DLG5: variants seen among roughly 807,000 people sequenced by gnomAD.
DLG5 encodes the protein discs large MAGUK scaffold protein 5.
DLG5 carries 48 observed loss-of-function variants against 189.8 expected under a neutral mutation model. The ratio of observed to expected loss-of-function variants is 0.25; its 90% CI spans 0.20 to 0.32. The LOEUF is 0.32. Ranked by LOEUF, DLG5 falls within the 10% of genes least tolerant of loss-of-function variation. The probability of loss-of-function intolerance (pLI) is 1.00; values close to 1 mark genes in which losing one functional copy is unlikely to be tolerated. For synonymous variants in DLG5, 1,016 were observed against 1,054.1 expected, an observed-to-expected ratio of 0.96 and a Z score of 0.70; for missense variants, 2,160 against 2,544.7, an observed-to-expected ratio of 0.85 and a Z score of 3.25.
At chr10:77,872,451 G>T (rs1256769827) in intron 1 of DLG5, among the ~76,000 whole-genome samples, 1 of 152,210 alleles carries the variant, frequency 6.6e-6, no homozygotes, top group Non-Finnish European at 1.5e-5. Flanking sequence ...AGGGCAGCGT[G>T]ACATCTTTGT....
chr10:77,802,856 T>C (rs184958640), intron 27 of DLG5, among the ~76,000 whole-genome samples: 84 of 152,282 alleles, frequency 5.5e-4, no homozygotes, highest in African/African-American at 1.9e-3. Context: ...GCCGAGATCG[T>C]ACCATTGCAC....
At chr10:77,893,012 C>A (rs373769753) in intron 1 of DLG5, among the ~76,000 whole-genome samples, 1 of 152,210 alleles carries the variant, frequency 6.6e-6, no homozygotes, top group Non-Finnish European at 1.5e-5. Context: ...CAGGGCACCC[C>A]CAGGTTGGGA....
rs371648786 is a variant in DLG5 at position 77,842,155 on chromosome 10, G to A, written c.1163C>T (p.Ala388Val). The stretch of plus-strand genomic sequence containing the variant: ...CTCCCACTGCAGGTCCTTGTTCTGC[G>A]CCGTGGCCTTGTTCAGCTCATGGTG... Reference protein sequence around the residue: ...AIHHELNKATAQNKDLQWEME... With the variant: ...AIHHELNKATVQNKDLQWEME... The change falls in exon 7 of 32, where the codon GCG becomes GTG. Residue 388 changes from alanine to valine, a missense_variant. Physicochemically the swap from Ala to Val is moderately conservative, Grantham distance 64 (BLOSUM62 0). Transcript: ENST00000372391. 13 of 1,607,858 alleles carry A rather than the reference G, an allele frequency of 8.1e-6. No individual in the cohort carries two copies. Among genetic ancestry groups the A allele is most frequent in the African/African-American group, 2.7e-5 (2 of 74,932 alleles).
At chr10:77,815,104 T>G (rs967004449) in intron 20 of DLG5, among the ~76,000 whole-genome samples, 7 of 151,942 alleles carry the variant, frequency 4.6e-5, no homozygotes, top group African/African-American at 1.7e-4. Context: ...TGCTTGGCAG[T>G]GGGTGGCAAG....
intron 1 of DLG5, among the ~76,000 whole-genome samples, chr10:77,872,900 A>C (rs1844958907): frequency 6.6e-6 from 1 of 152,006 alleles, no homozygotes; most frequent in Admixed American, 6.5e-5. Flanking sequence ...ACCTCCACCC[A>C]ACCTGCCCTG....
chr10:77,826,992 TG>T (rs1327197738), intron 13 of DLG5, among the ~76,000 whole-genome samples: 2 of 152,098 alleles, frequency 1.3e-5, no homozygotes, highest in African/African-American at 4.8e-5. Context: ...GATGAGCAAC[TG>T]AGTATATTAT....
rs753809753 is a variant in DLG5 at position 77,829,500 on chromosome 10, A to T, written c.2040T>A (p.Asp680Glu). 1.2e-6 allele frequency: 2 copies of T among 1,612,368 alleles called. No individual in the cohort carries two copies. Among genetic ancestry groups the T allele is most frequent in the Non-Finnish European group, 1.7e-6 (2 of 1,178,988 alleles). The stretch of plus-strand genomic sequence containing the variant: ...TCTTGTCCTTGTTGATGAGGTCCAC[A>T]TCGTTGATTCTCAGCAGCCAGTCAT... ...RVNDWLLRINDVDLINKDKKQ... is the reference protein window; with the variant it reads ...RVNDWLLRINEVDLINKDKKQ... Residue 680 changes from aspartate (D) to glutamate (E), a missense_variant, in exon 12 of 32, where the codon GAT becomes GAA. Physicochemically the swap from Asp to Glu is conservative, Grantham distance 45. Coordinates refer to ENST00000372391, the MANE Select transcript of DLG5 (RefSeq NM_004747.4).
At chr10:77,883,199 G>C (rs1049343808) in intron 1 of DLG5, among the ~76,000 whole-genome samples, 1 of 152,132 alleles carries the variant, frequency 6.6e-6, no homozygotes, top group African/African-American at 2.4e-5. Flanking sequence ...TGGAAGCTGA[G>C]AGAACAGTTA....
At chr10:77,849,145 C>G (rs565684223) in intron 5 of DLG5, among the ~76,000 whole-genome samples, 199 of 152,328 alleles carry the variant, frequency 1.3e-3, no homozygotes, top group African/African-American at 4.7e-3. Flanking sequence ...GCCCCCTCCC[C>G]TAGGGCTGCC....
intron 17 of DLG5, among the ~76,000 whole-genome samples, 183 bp from the exon 18 acceptor site, chr10:77,818,072 G>A (rs942729627): frequency 1.3e-5 from 2 of 152,268 alleles, no homozygotes; most frequent in South Asian, 2.1e-4. Context: ...CATCCACTAA[G>A]AGCCTTCAGG....
At chr10:77,835,156 G>A (rs1843063651) in intron 8 of DLG5, among the ~76,000 whole-genome samples, 1 of 152,014 alleles carries the variant, frequency 6.6e-6, no homozygotes. Flanking sequence ...CTCCACAGGT[G>A]CCCTCCATCT....
intron 21 of DLG5, 65 bp from the exon 22 acceptor site, chr10:77,812,122 G>A (rs1414836472): frequency 2.5e-6 from 4 of 1,599,318 alleles, no homozygotes; most frequent in Non-Finnish European, 3.4e-6. Flanking sequence ...GAGGCCCTGG[G>A]GACTTGGGAG....
Position 77,819,650 on chromosome 10 carries a change from G to T in DLG5, c.3527-185C>A, listed in dbSNP as rs138346637. ...CTGGCCTGTCTCCATTTGTAAAAAG[G>T]GGGGAAGTCTCTTTCATGCTTCCTA... On this transcript the variant is annotated intron_variant, in intron 16 of 31. Coordinates refer to ENST00000372391, the MANE Select transcript of DLG5 (RefSeq NM_004747.4). 142 of 1,034,320 alleles carry T rather than the reference G, an allele frequency of 1.4e-4. No homozygotes were observed. In the African/African-American group the frequency reaches 1.9e-3, roughly 14 times the overall value. The allele number at this position is 1,034,320 out of a possible 1,614,324, so 64.1% of individuals were successfully genotyped here.
intron 1 of DLG5, among the ~76,000 whole-genome samples, chr10:77,902,274 T>C (rs1845948153): frequency 6.6e-6 from 1 of 152,150 alleles, no homozygotes; most frequent in East Asian, 1.9e-4. Flanking sequence ...CCAGTGACTC[T>C]GAAAAAGCCA....
At position 77,824,613 on chromosome 10, in the gene DLG5, T is replaced by C. The variant is rs138856145; in HGVS notation, c.2290-137A>G. ...GCCAAAGTCAGGAGTTGGCAAAGGA[T>C]AGAGGTCTTTCTGGTGAGGCCCAAG... On this transcript the variant is annotated intron_variant, in intron 13 of 31. Coordinates refer to ENST00000372391, the MANE Select transcript of DLG5 (RefSeq NM_004747.4). 5.0e-5 allele frequency: 33 copies of C among 659,094 alleles called. No homozygotes were observed. In the East Asian group the frequency reaches 7.5e-4, roughly 15 times the overall value. 40.8% of individuals were successfully genotyped at this position (659,094 alleles called of 1,614,324 possible).
chr10:77,922,892 T>C (rs1846578242), intron 1 of DLG5, among the ~76,000 whole-genome samples: 2 of 152,256 alleles, frequency 1.3e-5, no homozygotes, highest in African/African-American at 4.8e-5. Context: ...TCTGGGGATC[T>C]AACTCAGCAA....
chr10:77,895,964 TG>T (rs999077191), intron 1 of DLG5, among the ~76,000 whole-genome samples: 2 of 152,184 alleles, frequency 1.3e-5, no homozygotes, highest in Non-Finnish European at 2.9e-5. Flanking sequence ...CCCCTTTTGA[TG>T]TGGGGTCACT....
chr10:77,804,831 G>C (rs1291503302), intron 27 of DLG5, among the ~76,000 whole-genome samples: 1 of 152,170 alleles, frequency 6.6e-6, no homozygotes, highest in Non-Finnish European at 1.5e-5. Context: ...CAAGCAGCCT[G>C]TAAGAACCTA....
intron 5 of DLG5, chr10:77,846,761 T>C (rs963883002): frequency 8.8e-6 from 4 of 455,974 alleles, no homozygotes; most frequent in Admixed American, 7.0e-5. Flanking sequence ...GAGAACCCCA[T>C]TGGCTCCAAA....
Sources: allele counts gnomAD v4.1 joint callset (sites outside exome capture counted in the v4.1 genomes callset), GRCh38; gene constraint gnomAD v4.1.1; transcripts MANE v1.5; gene names NCBI Gene and HGNC (gene_info 2026-07-23, HGNC 2026-07-21).